ADAM22: variants seen among roughly 807,000 people sequenced by gnomAD.
ADAM22 encodes disintegrin and metalloproteinase domain-containing protein 22.
ADAM22 carries 65 observed loss-of-function variants against 144.6 expected under a neutral mutation model. That is an observed-to-expected ratio of 0.45 (90% CI 0.37 to 0.55). ADAM22 has a LOEUF of 0.55. Among genes scored for constraint, ADAM22 ranks in the 20% least tolerant of loss-of-function variants. ADAM22 has a pLI of 0.00. For synonymous variants in ADAM22, 391 were observed against 412.6 expected, an observed-to-expected ratio of 0.95 and a Z score of 0.63; for missense variants, 974 against 1,184.9, an observed-to-expected ratio of 0.82 and a Z score of 2.61.
At position 88,196,557 on chromosome 7, in the gene ADAM22, A is replaced by G. The variant is rs969390467; in HGVS notation, c.*66A>G. ...TCAACTTTTATAGAAACCCAGGCTC[A>G]TGGAATCACTGCAAATCTATCTGCT... is the stretch of plus-strand genomic sequence containing the variant. On this transcript the variant is annotated 3_prime_UTR_variant, in exon 32 of 32. Coordinates refer to ENST00000413139, the MANE Select transcript of ADAM22 (RefSeq NM_001324418.2). 14 of 1,534,180 alleles carry G rather than the reference A, an allele frequency of 9.1e-6. No individual in the cohort carries two copies. The highest frequency in any genetic ancestry group is 2.7e-5 in the African/African-American group (2 of 73,260).
chr7:88,015,811 T>G (rs1796423425), intron 3 of ADAM22, among the ~76,000 whole-genome samples: 1 of 152,206 alleles, frequency 6.6e-6, no homozygotes, highest in South Asian at 2.1e-4. Context: ...GTGAAATTTG[T>G]GGGGAGCAGA....
intron 3 of ADAM22, among the ~76,000 whole-genome samples, chr7:88,034,507 G>T (rs1801042149): frequency 6.6e-6 from 1 of 152,136 alleles, no homozygotes; most frequent in Non-Finnish European, 1.5e-5. Context: ...CCAGGGACTG[G>T]GGGAGGTGTG....
At chr7:87,981,249 A>G (rs1435505452) in intron 3 of ADAM22, among the ~76,000 whole-genome samples, 1 of 152,198 alleles carries the variant, frequency 6.6e-6, no homozygotes, top group East Asian at 1.9e-4. Flanking sequence ...TGTGAAATAT[A>G]TAACAATTAG....
intron 2 of ADAM22, among the ~76,000 whole-genome samples, chr7:87,966,276 G>A (rs1425489667): frequency 6.6e-6 from 1 of 152,078 alleles, no homozygotes; most frequent in Non-Finnish European, 1.5e-5. Flanking sequence ...TAAATGTTAG[G>A]GTTCCTTGCA....
At chr7:88,107,198 C>CTTTTT (rs561936408) in intron 4 of ADAM22, among the ~76,000 whole-genome samples, 53 of 76,556 alleles carry the variant, frequency 6.9e-4, no homozygotes, top group Admixed American at 8.3e-4. Context: ...GATTGAATTT[C>CTTTTT]TTTTTTTTTT....
chr7:88,050,733 A>C (rs1585260765), intron 3 of ADAM22, among the ~76,000 whole-genome samples: 2 of 151,936 alleles, frequency 1.3e-5, no homozygotes, highest in South Asian at 4.1e-4. Context: ...AAATTTGTTT[A>C]AGTTCTTTGT....
intron 30 of ADAM22, 32 bp from the exon 31 acceptor site, chr7:88,193,084 A>G: frequency 6.2e-7 from 1 of 1,613,270 alleles, no homozygotes; most frequent in Non-Finnish European, 8.5e-7. Context: ...AGGCAATCAC[A>G]TGATACTTAA....
At chr7:88,080,054 G>A (rs1231948089) in intron 4 of ADAM22, among the ~76,000 whole-genome samples, 1 of 152,132 alleles carries the variant, frequency 6.6e-6, no homozygotes, top group African/African-American at 2.4e-5. Context: ...ATTCTTTTCA[G>A]CACCACAGCA....
At chr7:88,011,835 G>A (rs1204357797) in intron 3 of ADAM22, among the ~76,000 whole-genome samples, 2 of 151,406 alleles carry the variant, frequency 1.3e-5, no homozygotes, top group Non-Finnish European at 2.9e-5. Context: ...AGATATTTTG[G>A]TATTTATTCT....
At chr7:87,944,826 T>G (rs548936092) in intron 2 of ADAM22, among the ~76,000 whole-genome samples, 148 of 151,496 alleles carry the variant, frequency 9.8e-4, no homozygotes, top group Non-Finnish European at 1.5e-3. Context: ...GTTTTTTTTT[T>G]TTTTGTTTTT....
At chr7:87,967,181 T>C (rs1241786888) in intron 2 of ADAM22, among the ~76,000 whole-genome samples, 1 of 152,208 alleles carries the variant, frequency 6.6e-6, no homozygotes, top group East Asian at 1.9e-4. Flanking sequence ...CTCTTTCCTT[T>C]ATAAATTACC....
chr7:88,015,392 G>A (rs1364805335), intron 3 of ADAM22, among the ~76,000 whole-genome samples: 3 of 152,150 alleles, frequency 2.0e-5, no homozygotes, highest in Non-Finnish European at 4.4e-5. Context: ...TGTGGATTCT[G>A]TCTCTGCTCA....
chr7:88,005,146 C>A (rs965258528), intron 3 of ADAM22, among the ~76,000 whole-genome samples: 1 of 152,098 alleles, frequency 6.6e-6, no homozygotes, highest in African/African-American at 2.4e-5. Flanking sequence ...AACACACACA[C>A]ACAAACAAAT....
chr7:87,950,091 A>G (rs1844672889), intron 2 of ADAM22, among the ~76,000 whole-genome samples: 1 of 152,092 alleles, frequency 6.6e-6, no homozygotes, highest in African/African-American at 2.4e-5. Context: ...TCAAGAATTT[A>G]TATCTCAGTG....
intron 25 of ADAM22, among the ~76,000 whole-genome samples, chr7:88,169,287 G>C (rs1000668280): frequency 6.6e-6 from 1 of 152,038 alleles, no homozygotes; most frequent in African/African-American, 2.4e-5. Context: ...AGCGCAGAGA[G>C]CATATTACAG....
At chr7:88,113,749 T>C (rs1389006674) in intron 5 of ADAM22, among the ~76,000 whole-genome samples, 2 of 122,690 alleles carry the variant, frequency 1.6e-5, no homozygotes, top group African/African-American at 6.2e-5. Context: ...TAGTAAGTCC[T>C]AGAATACTTA....
chr7:87,962,802 ACT>A (rs1011358956), intron 2 of ADAM22, among the ~76,000 whole-genome samples: 3 of 152,148 alleles, frequency 2.0e-5, no homozygotes, highest in African/African-American at 7.2e-5. Flanking sequence ...AGAGGTTGAT[ACT>A]GTTTTTCGCA....
chr7:87,940,181 C>CAAAA (rs35309253), intron 2 of ADAM22, among the ~76,000 whole-genome samples: 2 of 75,996 alleles, frequency 2.6e-5, no homozygotes, highest in African/African-American at 4.7e-5. Context: ...GTCTTTATCT[C>CAAAA]AAAAAAAAAA....
rs1851026571 is a variant in ADAM22 at position 88,199,748 on chromosome 7, G to T, written c.*3257G>T. ...ATGTTGATGAATAAAGCAAATGTGG[G>T]TTTAAAATGCCAACTTATTTTTCAC... On this transcript the variant is annotated 3_prime_UTR_variant, in exon 32 of 32. Transcript: ENST00000413139. 1 of 152,150 alleles carries T rather than the reference G, an allele frequency of 6.6e-6. No homozygotes were observed. Among genetic ancestry groups the T allele is most frequent in the Admixed American group, 6.5e-5 (1 of 15,282 alleles). 9.4% of individuals were successfully genotyped at this position (152,150 alleles called of 1,614,324 possible).
Sources: gnomAD v4.1 joint callset for allele counts (sites outside exome capture counted in the v4.1 genomes callset) on GRCh38, gnomAD v4.1.1 for gene constraint, MANE v1.5 for transcripts, NCBI Gene and HGNC (gene_info 2026-07-23, HGNC 2026-07-21) for gene names.